Variants in RCN1 observed in about 807,000 individuals in gnomAD.
RCN1 encodes the protein reticulocalbin 1, also known as reticulocalbin-1.
Under a neutral mutation model 34.7 loss-of-function variants are expected in RCN1, and 14 were observed. The observed-to-expected ratio is 0.40, with a 90% CI of 0.27 to 0.63. RCN1 has a LOEUF of 0.63. Among genes scored for constraint, RCN1 ranks in the 30% least tolerant of loss-of-function variants. RCN1 has a pLI of 0.37. For synonymous variants in RCN1, 125 were observed against 165.5 expected, an observed-to-expected ratio of 0.76 and a Z score of 1.88; for missense variants, 326 against 425.1, an observed-to-expected ratio of 0.77 and a Z score of 2.05.
At chr11:32,091,608 A>G in intron 1 of RCN1, 158 bp downstream of exon 1, 1 of 943,190 alleles carries the variant, frequency 1.1e-6, no homozygotes, top group Non-Finnish European at 1.5e-6. Context: ...GCTCAGGCTA[A>G]CTTGCTGGAG....
In RCN1 at chr11:32,091,115, C is replaced by G. The variant is rs1851914382; in HGVS notation, c.-82C>G. Reference sequence around the variant, plus strand: ...CCGGCCCCAACCCTGTCGCTGCCGCCGCGCTCCGAGTCCCCATTCCCGAGC... The same window carrying G: ...CCGGCCCCAACCCTGTCGCTGCCGCGGCGCTCCGAGTCCCCATTCCCGAGC... On this transcript the variant is annotated 5_prime_UTR_variant, in exon 1 of 6. Transcript: ENST00000054950. 6.6e-6 allele frequency: 9 copies of G among 1,358,784 alleles called. No individual in the cohort carries two copies. In the South Asian group the frequency reaches 1.4e-4, roughly 21 times the overall value. The allele number at this position is 1,358,784 out of a possible 1,614,324, so 84.2% of individuals were successfully genotyped here.
At position 32,101,800 on chromosome 11, in the gene RCN1, G is replaced by A. The variant is rs184202972; in HGVS notation, c.688+1192G>A. Among the ~76,000 whole-genome samples the A allele has an allele frequency of 1.7e-3, 260 of 152,280 alleles. 2 individuals are homozygous for A. Among genetic ancestry groups the A allele is most frequent in the South Asian group, 8.3e-4 (4 of 4,828 alleles). ...GGGTCCACGTGCGAGGGTCACGTTC[G>A]GAGGCGCAGACCTCTTACTGTGGCA... is the stretch of plus-strand genomic sequence containing the variant. On this transcript the variant is annotated intron_variant, in intron 4 of 5. Transcript: ENST00000054950.
At chr11:32,102,793 C>T in intron 4 of RCN1, 1 of 327,946 alleles carries the variant, frequency 3.0e-6, no homozygotes, top group South Asian at 2.4e-5. Context: ...TATAACAGCA[C>T]TCACTTTGTA....
chr11:32,097,760 A>G (rs930092307), intron 2 of RCN1, among the ~76,000 whole-genome samples: 1 of 152,150 alleles, frequency 6.6e-6, no homozygotes, highest in African/African-American at 2.4e-5. Flanking sequence ...GAATGGATTT[A>G]TATTTGGAGA....
intron 1 of RCN1, chr11:32,091,731 GC>G: frequency 4.4e-6 from 2 of 458,010 alleles, no homozygotes; most frequent in South Asian, 3.0e-5. Flanking sequence ...GCGAGGGCCC[GC>G]CCCCTCCCCC....
At chr11:32,091,611 T>A (rs1482061814) in intron 1 of RCN1, 161 bp downstream of exon 1, 1 of 874,232 alleles carries the variant, frequency 1.1e-6, no homozygotes, top group Non-Finnish European at 1.6e-6. Flanking sequence ...CAGGCTAACT[T>A]GCTGGAGGGC....
Position 32,093,638 on chromosome 11 carries a change from G to A in RCN1, c.254+2188G>A, listed in dbSNP as rs377443988. ...GTTTGAAAAGCGTTCTGGGGCATGA[G>A]GGGTGGTGAGTCTGCAAAGGGGCAG... On this transcript the variant is annotated intron_variant, in intron 1 of 5. Coordinates refer to ENST00000054950, the MANE Select transcript of RCN1 (RefSeq NM_002901.4). Among the ~76,000 whole-genome samples the A allele has an allele frequency of 3.9e-5, 6 of 152,170 alleles. No individual in the cohort carries two copies. The South Asian group carries it at 8.3e-4, about 21-fold the overall frequency.
At chr11:32,100,492 C>T in intron 3 of RCN1, 56 bp from the exon 4 acceptor site, 1 of 1,410,024 alleles carries the variant, frequency 7.1e-7, no homozygotes, top group South Asian at 1.2e-5. Flanking sequence ...ATAGAATTCT[C>T]AGACTTCTTA....
In RCN1 at chr11:32,091,353, A is replaced by G; in HGVS notation, c.157A>G (p.Asn53Asp). The G allele has an allele frequency of 6.5e-7, 1 of 1,549,260 alleles. No homozygotes were observed. Among genetic ancestry groups the G allele is most frequent in the South Asian group, 1.2e-5 (1 of 83,930 alleles). ...GCTGGGCGAGCGGCCCCCTGAGGAC[A>G]ACCAGAGCTTCCAGTACGACCACGA... Reference protein sequence around the residue: ...SELGERPPEDNQSFQYDHEAF... With the variant: ...SELGERPPEDDQSFQYDHEAF... Residue 53 changes from asparagine to aspartate, a missense_variant, in exon 1 of 6, where the codon AAC becomes GAC. Physicochemically the swap from Asn to Asp is conservative, Grantham distance 23 (BLOSUM62 1). Transcript: ENST00000054950.
intron 1 of RCN1, 59 bp downstream of exon 1, chr11:32,091,509 C>T (rs1238352287): frequency 1.4e-5 from 21 of 1,519,480 alleles, no homozygotes; most frequent in Non-Finnish European, 1.8e-5. Context: ...GCCGCCTGGG[C>T]GAGAGCCACG....
chr11:32,091,572 G>A, intron 1 of RCN1, 122 bp downstream of exon 1: 1 of 1,313,482 alleles, frequency 7.6e-7, no homozygotes, highest in Non-Finnish European at 1.0e-6. Context: ...CCTCGAGGAT[G>A]GGGCCCTGCC....
intron 4 of RCN1, 35 bp from the exon 5 acceptor site, chr11:32,103,246 T>C (rs764382309): frequency 5.6e-6 from 9 of 1,605,390 alleles, no homozygotes; most frequent in Non-Finnish European, 7.7e-6. Flanking sequence ...ACCTTCCCAC[T>C]TTCCTTTGTA....
chr11:32,103,316 C>T lies in RCN1; in HGVS notation c.724C>T (p.Pro242Ser). Reference sequence around the variant, plus strand: ...TTCCCATGAGGAGAATGGCCCTGAGCCAGACTGGGTTTTATCAGAACGGGA... The same window carrying T: ...TTCCCATGAGGAGAATGGCCCTGAGTCAGACTGGGTTTTATCAGAACGGGA... ...MFSHEENGPE[P>S]DWVLSEREQF... Residue 242 changes from proline (P) to serine (S), a missense_variant, in exon 5 of 6, where the codon CCA (proline) becomes TCA (serine). Transcript: ENST00000054950. The T allele has an allele frequency of 1.2e-6, 2 of 1,613,974 alleles. No individual in the cohort carries two copies. Among genetic ancestry groups the T allele is most frequent in the Non-Finnish European group, 1.7e-6 (2 of 1,179,836 alleles).
At chr11:32,103,652 C>T (rs1289721584) in intron 5 of RCN1, among the ~76,000 whole-genome samples, 172 bp downstream of exon 5, 2 of 152,208 alleles carry the variant, frequency 1.3e-5, no homozygotes, top group Non-Finnish European at 2.9e-5. Context: ...TGATAACCCA[C>T]AGTAAAATTA....
At chr11:32,093,967 G>A (rs1439406116) in intron 1 of RCN1, among the ~76,000 whole-genome samples, 1 of 152,166 alleles carries the variant, frequency 6.6e-6, no homozygotes, top group African/African-American at 2.4e-5. Context: ...ACTCAATGAG[G>A]GGGAGAAGAG....
chr11:32,103,139 G>A (rs223059), intron 4 of RCN1, 142 bp from the exon 5 acceptor site: 488,522 of 696,970 alleles, frequency 0.7, 173,502 homozygotes, highest in East Asian at 0.97. Context: ...TCCCCAAGAA[G>A]CTGCCTACCA....
Position 32,104,404 on chromosome 11 carries a change from A to C in RCN1, c.928A>C (p.Asn310His). ...TAAAGAGGAAATATTGGAGAACTGGAACATGTTTGTCGGAAGCCAAGCTAC... is the reference window on the plus strand; with the variant it reads ...TAAAGAGGAAATATTGGAGAACTGGCACATGTTTGTCGGAAGCCAAGCTAC... ...LTKEEILENW[N>H]MFVGSQATNY... The change falls in exon 6 of 6, where the codon AAC (asparagine) becomes CAC (histidine). Residue 310 changes from asparagine (N) to histidine (H), a missense_variant. By Grantham distance (68) the Asn-to-His change is moderately conservative. Coordinates refer to ENST00000054950, the MANE Select transcript of RCN1 (RefSeq NM_002901.4). 1 of 1,580,814 alleles carries C rather than the reference A, an allele frequency of 6.3e-7. No individual in the cohort carries two copies. Among genetic ancestry groups the C allele is most frequent in the Non-Finnish European group, 8.7e-7 (1 of 1,150,774 alleles).
rs1433974419 is a variant in RCN1, at chr11:32,091,320, G to C, written c.124G>C (p.Asp42His). ...GCGCAAAGAGCGCGTGGTGCGGCCCGACTCGGAGCTGGGCGAGCGGCCCCC... is the reference window on the plus strand; with the variant it reads ...GCGCAAAGAGCGCGTGGTGCGGCCCCACTCGGAGCTGGGCGAGCGGCCCCC... ...TVRKERVVRP[D>H]SELGERPPED... Residue 42 changes from aspartate to histidine, a missense_variant, in exon 1 of 6, where the codon GAC (aspartate) becomes CAC (histidine). Coordinates refer to ENST00000054950, the MANE Select transcript of RCN1 (RefSeq NM_002901.4). 1.9e-6 allele frequency: 3 copies of C among 1,547,690 alleles called. No homozygotes were observed. The highest frequency in any genetic ancestry group is 1.2e-5 in the South Asian group (1 of 83,790).
chr11:32,103,699 C>T (rs1038049894), intron 5 of RCN1, among the ~76,000 whole-genome samples: 1 of 152,172 alleles, frequency 6.6e-6, no homozygotes, highest in Non-Finnish European at 1.5e-5. Flanking sequence ...AGCTGTGAGC[C>T]ACAGACTTAC....
Sources: gnomAD v4.1 joint callset for allele counts (sites outside exome capture counted in the v4.1 genomes callset) on GRCh38, gnomAD v4.1.1 for gene constraint, MANE v1.5 for transcripts, NCBI Gene and HGNC (gene_info 2026-07-23, HGNC 2026-07-21) for gene names.